NLGN1: variants seen among roughly 807,000 people sequenced by gnomAD.
The protein encoded by NLGN1 is neuroligin 1.
Under a neutral mutation model 65.5 loss-of-function variants are expected in NLGN1, and 12 were observed. That is an observed-to-expected ratio of 0.18 (90% confidence interval 0.12 to 0.30). The LOEUF (loss-of-function observed/expected upper bound fraction) is 0.30, where lower values mean the gene tolerates loss of function less well. Ranked by LOEUF, NLGN1 falls within the 10% of genes least tolerant of loss-of-function variation. NLGN1 has a pLI of 1.00. For synonymous variants in NLGN1, 350 were observed against 359.5 expected (o/e 0.97, Z 0.30); for missense variants, 750 against 1,007.1 (o/e 0.74, Z 3.46).
intron 4 of NLGN1, among the ~76,000 whole-genome samples, chr3:174,220,114 C>T (rs1006281064): frequency 6.6e-5 from 10 of 152,064 alleles, no homozygotes; most frequent in Non-Finnish European, 1.3e-4. Flanking sequence ...AGACCTTGCC[C>T]TGAGAGTCCA....
chr3:174,135,014 T>G (rs1432771071), intron 4 of NLGN1, among the ~76,000 whole-genome samples: 5 of 152,140 alleles, frequency 3.3e-5, no homozygotes, highest in Admixed American at 2.6e-4. Flanking sequence ...ACCCCGCAAT[T>G]TAGTGTTCTG....
chr3:173,604,780 A>G, exon 3 of NLGN1: 1 of 1,613,748 alleles, frequency 6.2e-7, no homozygotes, highest in Non-Finnish European at 8.5e-7. Context: ...AACTTTGGAA[A>G]GATAAGAGGG....
At chr3:173,995,626 G>C (rs771707036) in intron 4 of NLGN1, among the ~76,000 whole-genome samples, 1 of 147,636 alleles carries the variant, frequency 6.8e-6, no homozygotes, top group African/African-American at 2.5e-5. Flanking sequence ...CCCAATTAGT[G>C]TTAGACTTTT....
chr3:173,746,906 G>A (rs911124411), intron 3 of NLGN1, among the ~76,000 whole-genome samples: 1 of 151,670 alleles, frequency 6.6e-6, no homozygotes, highest in Admixed American at 6.6e-5. Context: ...TAAAAAATTA[G>A]TTGGGCATGG....
chr3:174,259,208 C>T (rs374027779), intron 4 of NLGN1, among the ~76,000 whole-genome samples: 8 of 152,020 alleles, frequency 5.3e-5, no homozygotes, highest in East Asian at 1.9e-4. Flanking sequence ...TTACCCAGAC[C>T]TTATCTTATA....
At chr3:173,804,771 A>G (rs1716265641) in intron 3 of NLGN1, among the ~76,000 whole-genome samples, 1 of 152,110 alleles carries the variant, frequency 6.6e-6, no homozygotes, top group South Asian at 2.1e-4. Context: ...TCACACCTGT[A>G]ATCCCAGCAC....
At chr3:173,434,706 G>C (rs992750678) in intron 1 of NLGN1, among the ~76,000 whole-genome samples, 1 of 152,114 alleles carries the variant, frequency 6.6e-6, no homozygotes, top group Admixed American at 6.5e-5. Context: ...CTATAAAATA[G>C]TCTAAAAGGA....
intron 2 of NLGN1, among the ~76,000 whole-genome samples, chr3:173,560,419 G>T (rs1218051099): frequency 6.6e-6 from 1 of 151,900 alleles, no homozygotes; most frequent in African/African-American, 2.4e-5. Context: ...AGGGAGGGAG[G>T]GAAAAGGCAG....
At position 173,657,633 on chromosome 3, in the gene NLGN1, C is replaced by T. The variant is rs186286747; in HGVS notation, c.493+52542C>T. Among the ~76,000 whole-genome samples, 21 of 151,942 alleles carry T rather than the reference C, an allele frequency of 1.4e-4. No homozygotes were observed. In the East Asian group the frequency reaches 3.9e-3, roughly 28 times the overall value. On this transcript the variant is annotated intron_variant, in intron 3 of 6. Coordinates refer to ENST00000457714, the Ensembl canonical transcript of NLGN1. ...TCATTAGTTGCAAACTTGGTTCACA[C>T]TCTTGTTTTATGATGTTTTAAAATG... is the stretch of plus-strand genomic sequence containing the variant.
At chr3:173,587,432 A>C (rs1454640537) in intron 2 of NLGN1, among the ~76,000 whole-genome samples, 1 of 152,158 alleles carries the variant, frequency 6.6e-6, no homozygotes, top group Non-Finnish European at 1.5e-5. Flanking sequence ...ACACACCAAA[A>C]TTTTTTAAAA....
intron 4 of NLGN1, among the ~76,000 whole-genome samples, chr3:174,100,276 T>TA (rs11431812): frequency 0.22 from 32,141 of 145,608 alleles, 4,463 homozygotes; most frequent in African/African-American, 0.41. Flanking sequence ...ATACCTATGG[T>TA]AAAAAAAAAA....
At chr3:173,992,405 A>G (rs1721310358) in intron 4 of NLGN1, among the ~76,000 whole-genome samples, 1 of 152,150 alleles carries the variant, frequency 6.6e-6, no homozygotes, top group Non-Finnish European at 1.5e-5. Flanking sequence ...GAAAGAACAA[A>G]TTGAGAAAGT....
At position 173,765,052 on chromosome 3, in the gene NLGN1, A is replaced by ATG. The variant is rs55747253; in HGVS notation, c.494-42582_494-42581dup. 8.4e-3 allele frequency among the ~76,000 whole-genome samples: 1,145 copies of ATG among 136,264 alleles called. 12 individuals are homozygous for ATG. Among genetic ancestry groups the ATG allele is most frequent in the East Asian group, 0.066 (294 of 4,456 alleles). The allele number at this position is 136,264 out of a possible 152,430, so 89.4% of individuals were successfully genotyped here. On this transcript the variant is annotated intron_variant, in intron 3 of 6. Coordinates refer to ENST00000457714, the Ensembl canonical transcript of NLGN1. ...AGAAATTGCTAATTGCTGTGGGTGC[A>ATG]TGTGTGTGTGTGTGTGTGTGTGTGT...
chr3:173,490,910 T>C (rs916630248), intron 2 of NLGN1, among the ~76,000 whole-genome samples: 20 of 151,576 alleles, frequency 1.3e-4, no homozygotes, highest in African/African-American at 4.6e-4. Flanking sequence ...GTTATTGGTG[T>C]ATAAGAATGC....
chr3:173,491,211 G>T (rs1345644765), intron 2 of NLGN1, among the ~76,000 whole-genome samples: 9 of 151,762 alleles, frequency 5.9e-5, no homozygotes, highest in Admixed American at 2.0e-4. Context: ...TGTCCATTCA[G>T]TATGATATTG....
At chr3:173,550,211 T>G (rs1412456033) in intron 2 of NLGN1, among the ~76,000 whole-genome samples, 1 of 152,096 alleles carries the variant, frequency 6.6e-6, no homozygotes, top group Non-Finnish European at 1.5e-5. Context: ...CCAATTATAT[T>G]TAGATAATTA....
chr3:173,893,791 C>T (rs1462762574), intron 4 of NLGN1, among the ~76,000 whole-genome samples: 2 of 152,092 alleles, frequency 1.3e-5, no homozygotes. Flanking sequence ...ATTTTGTTTT[C>T]CTCTGCTTAA....
At chr3:174,085,321 C>T (rs573093918) in intron 4 of NLGN1, among the ~76,000 whole-genome samples, 1 of 152,130 alleles carries the variant, frequency 6.6e-6, no homozygotes, top group South Asian at 2.1e-4. Flanking sequence ...ATTAGGCTTT[C>T]AATTGCATTT....
intron 4 of NLGN1, among the ~76,000 whole-genome samples, chr3:173,959,313 GGCT>G (rs1398044414): frequency 6.6e-6 from 1 of 152,230 alleles, no homozygotes; most frequent in Non-Finnish European, 1.5e-5. Flanking sequence ...GCTCCAGAAG[GGCT>G]GCTGCTGCTA....
Sources: allele counts gnomAD v4.1 joint callset (sites outside exome capture counted in the v4.1 genomes callset), GRCh38; gene constraint gnomAD v4.1.1; transcripts MANE v1.5; gene names NCBI Gene and HGNC (gene_info 2026-07-23, HGNC 2026-07-21).